The following BAZ2B variants were observed in gnomAD, a reference collection of about 807,000 sequenced individuals.
The protein encoded by BAZ2B is bromodomain adjacent to zinc finger domain 2B, also known as bromodomain adjacent to zinc finger domain protein 2B.
In BAZ2B, 91 loss-of-function variants were observed where a neutral mutation model predicts 246.0. That is an observed-to-expected ratio of 0.37 (90% CI 0.31 to 0.44). The LOEUF (loss-of-function observed/expected upper bound fraction) is 0.44. Ranked by LOEUF, BAZ2B falls within the 20% of genes least tolerant of loss-of-function variation. The pLI is 1.00. For missense variants in BAZ2B, 2,332 were observed against 2,533.7 expected (o/e 0.92, Z 1.71); for synonymous variants, 855 against 860.0 (o/e 0.99, Z 0.10).
intron 31 of BAZ2B, among the ~76,000 whole-genome samples, chr2:159,344,928 G>A (rs1157338335): frequency 3.9e-5 from 6 of 152,116 alleles, no homozygotes; most frequent in African/African-American, 1.4e-4. Flanking sequence ...CAAAATTACT[G>A]GCTGGGCGCA....
chr2:159,428,448 C>T (rs977496062), intron 11 of BAZ2B, 29 bp from the exon 12 acceptor site: 14 of 1,505,190 alleles, frequency 9.3e-6, no homozygotes, highest in South Asian at 2.4e-5. Flanking sequence ...AAGGTTATGA[C>T]ATACTTAATT....
At chr2:159,439,853 T>TA (rs1048100771) in intron 6 of BAZ2B, among the ~76,000 whole-genome samples, 16 of 151,722 alleles carry the variant, frequency 1.1e-4, no homozygotes, top group East Asian at 3.8e-4. Flanking sequence ...CAGAAAATAT[T>TA]AAAAAAAAGG....
chr2:159,344,235 TGTC>T (rs1218195764), intron 31 of BAZ2B, among the ~76,000 whole-genome samples: 2 of 151,680 alleles, frequency 1.3e-5, no homozygotes, highest in African/African-American at 4.8e-5. Context: ...AAAAGAAAAT[TGTC>T]GTATTGAAAA....
At chr2:159,368,727 A>G (rs2060485804) in intron 27 of BAZ2B, among the ~76,000 whole-genome samples, 1 of 152,084 alleles carries the variant, frequency 6.6e-6, no homozygotes, top group Non-Finnish European at 1.5e-5. Flanking sequence ...TAACAATCGA[A>G]GAATTCATAT....
chr2:159,345,361 T>A (rs2067606801), intron 31 of BAZ2B, among the ~76,000 whole-genome samples: 1 of 152,014 alleles, frequency 6.6e-6, no homozygotes, highest in Non-Finnish European at 1.5e-5. Context: ...AAATGGTAAA[T>A]GTTTGAGATA....
chr2:159,510,152 G>A (rs1424404234), intron 2 of BAZ2B, among the ~76,000 whole-genome samples: 6 of 151,970 alleles, frequency 3.9e-5, no homozygotes, highest in Admixed American at 2.0e-4. Flanking sequence ...ATGGGGGATG[G>A]TGAGGGAAAT....
At chr2:159,680,294 A>G in the BAZ2B span, among the ~76,000 whole-genome samples, 1 of 152,248 alleles carries the variant, frequency 6.6e-6, no homozygotes, top group Non-Finnish European at 1.5e-5. Flanking sequence ...CGTTAAGCTA[A>G]TTCTTTGAGC....
chr2:159,400,924 G>C (rs2064939556), intron 16 of BAZ2B, among the ~76,000 whole-genome samples: 2 of 152,016 alleles, frequency 1.3e-5, no homozygotes, highest in Admixed American at 6.6e-5. Context: ...GGCACCTGTA[G>C]TCCCAACTAC....
At chr2:159,709,109 A>C in the BAZ2B span, among the ~76,000 whole-genome samples, 3 of 151,778 alleles carry the variant, frequency 2.0e-5, no homozygotes, top group Non-Finnish European at 4.4e-5. Context: ...CCTTAGAAGT[A>C]GGAGTCCTCA....
At chr2:159,395,931 G>T in intron 19 of BAZ2B, 97 bp from the exon 20 acceptor site, 2 of 1,048,336 alleles carry the variant, frequency 1.9e-6, no homozygotes, top group Non-Finnish European at 2.8e-6. Context: ...CAAAAACTCA[G>T]TATAGCATGT....
In BAZ2B at chr2:159,600,465, A is replaced by G. The variant is rs1691875366; in HGVS notation, c.-46+15777T>C. Among the ~76,000 whole-genome samples, 7 of 152,330 alleles carry G rather than the reference A, an allele frequency of 4.6e-5. No homozygotes were observed. The South Asian group carries it at 1.5e-3, about 32-fold the overall frequency. The stretch of plus-strand genomic sequence containing the variant: ...AACGAAAAAATATTCTCAACTTCCA[A>G]TTGCAAGAGTATACAAAATGATACT... On this transcript the variant is annotated intron_variant, in intron 1 of 36. Transcript: ENST00000392783.
chr2:159,642,486 G>A, the BAZ2B span, among the ~76,000 whole-genome samples: 2 of 151,626 alleles, frequency 1.3e-5, no homozygotes, highest in South Asian at 2.1e-4. Context: ...TGATCCACCC[G>A]CCTCGGCCTC....
intron 2 of BAZ2B, among the ~76,000 whole-genome samples, chr2:159,545,538 C>T (rs777146614): frequency 4.0e-5 from 6 of 149,568 alleles, no homozygotes; most frequent in Non-Finnish European, 8.9e-5. Context: ...CTATACTATA[C>T]ATTCCAGTTA....
chr2:159,546,513 T>C, intron 2 of BAZ2B, among the ~76,000 whole-genome samples: 1 of 143,858 alleles, frequency 7.0e-6, no homozygotes, highest in African/African-American at 2.6e-5. Flanking sequence ...TGGTTTAATA[T>C]CATTTGTTTC....
chr2:159,553,392 C>CAAAAAAAAA (rs35253250), intron 2 of BAZ2B, among the ~76,000 whole-genome samples: 46 of 73,774 alleles, frequency 6.2e-4, no homozygotes, highest in Middle Eastern at 9.8e-3. Flanking sequence ...GACTCTGTCT[C>CAAAAAAAAA]AAAAAAAAAA....
At chr2:159,654,889 G>T in the BAZ2B span, among the ~76,000 whole-genome samples, 1 of 152,018 alleles carries the variant, frequency 6.6e-6, no homozygotes, top group South Asian at 2.1e-4. Context: ...CCTGGGAGGC[G>T]GAAGCTATAG....
At chr2:159,356,093 G>A (rs193131913) in intron 27 of BAZ2B, among the ~76,000 whole-genome samples, 55 of 152,158 alleles carry the variant, frequency 3.6e-4, no homozygotes, top group Non-Finnish European at 4.4e-4. Context: ...AGCTGCAAGA[G>A]TTTTTTTTCA....
At chr2:159,706,043 A>T in the BAZ2B span, among the ~76,000 whole-genome samples, 2 of 146,326 alleles carry the variant, frequency 1.4e-5, no homozygotes, top group African/African-American at 2.4e-5. Flanking sequence ...TTAAATGGTT[A>T]AAAAAACTCC....
Position 159,564,477 on chromosome 2 carries a change from AAC to A in BAZ2B, c.-45-8614_-45-8613del, listed in dbSNP as rs112109879. ...GATATGGGAGAGAAAGGAGAATCAA[AAC>A]ACAGTGACCAGTTGAGCAACTGTAG... On this transcript the variant is annotated intron_variant, in intron 1 of 36. Coordinates refer to ENST00000392783, the MANE Select transcript of BAZ2B (RefSeq NM_013450.4). Among the ~76,000 whole-genome samples, 129 of 152,342 alleles carry A rather than the reference AAC, an allele frequency of 8.5e-4. 2 individuals are homozygous for A. Among genetic ancestry groups the A allele is most frequent in the African/African-American group, 3.0e-3 (123 of 41,572 alleles).
Sources: gnomAD v4.1 joint callset for allele counts (sites outside exome capture counted in the v4.1 genomes callset) on GRCh38, gnomAD v4.1.1 for gene constraint, MANE v1.5 for transcripts, NCBI Gene and HGNC (gene_info 2026-07-23, HGNC 2026-07-21) for gene names.